GPHN: variants seen among roughly 807,000 people sequenced by gnomAD.
GPHN encodes the protein gephyrin.
A neutral mutation model predicts 95.5 loss-of-function variants in GPHN; 17 were observed. The ratio of observed to expected loss-of-function variants is 0.18; its 90% CI spans 0.12 to 0.27. GPHN has a LOEUF of 0.27. Among genes scored for constraint, GPHN ranks in the 10% least tolerant of loss-of-function variants. The probability of loss-of-function intolerance (pLI) is 1.00; values close to 1 mark genes in which losing one functional copy is unlikely to be tolerated. For missense variants in GPHN, 660 were observed against 978.1 expected, an observed-to-expected ratio of 0.67 and a Z score of 4.34; for synonymous variants, 320 against 322.5, an observed-to-expected ratio of 0.99 and a Z score of 0.08.
chr14:66,911,279 G>A (rs1382325343), intron 5 of GPHN, among the ~76,000 whole-genome samples: 3 of 151,830 alleles, frequency 2.0e-5, no homozygotes, highest in Non-Finnish European at 4.4e-5. Flanking sequence ...AGAAAATGTG[G>A]AATGACTGCT....
intron 1 of GPHN, among the ~76,000 whole-genome samples, chr14:66,669,813 C>T (rs572933466): frequency 5.9e-4 from 90 of 152,164 alleles, no homozygotes; most frequent in Non-Finnish European, 1.0e-3. Flanking sequence ...GATTCTTTTT[C>T]TTTGCTGTGA....
chr14:67,000,754 C>G (rs2072159709), intron 9 of GPHN, among the ~76,000 whole-genome samples: 1 of 151,624 alleles, frequency 6.6e-6, no homozygotes. Context: ...GTATATATCT[C>G]TCTCTCTGAC....
chr14:66,898,435 T>C (rs1241133792), intron 5 of GPHN, among the ~76,000 whole-genome samples: 2 of 133,678 alleles, frequency 1.5e-5, no homozygotes, highest in Non-Finnish European at 3.1e-5. Context: ...TTTTTGTGTA[T>C]GAACGACCAC....
the GPHN span, among the ~76,000 whole-genome samples, chr14:67,577,015 TAAGA>T: frequency 6.6e-6 from 1 of 152,090 alleles, no homozygotes; most frequent in Non-Finnish European, 1.5e-5. Context: ...CTTGACACAG[TAAGA>T]AAGAGGCCTC....
the GPHN span, among the ~76,000 whole-genome samples, chr14:67,529,602 C>T: frequency 7.0e-3 from 1,072 of 152,292 alleles, 3 homozygotes; most frequent in Non-Finnish European, 0.01. Context: ...TGGGCCATTT[C>T]CTTTCCTTCC....
At chr14:66,777,233 T>C (rs1261436490) in intron 3 of GPHN, among the ~76,000 whole-genome samples, 6 of 152,078 alleles carry the variant, frequency 3.9e-5, no homozygotes, top group African/African-American at 1.2e-4. Flanking sequence ...AAGAAATGGA[T>C]AAATTCCTCG....
chr14:67,391,168 C>A, the GPHN span, among the ~76,000 whole-genome samples: 3 of 152,118 alleles, frequency 2.0e-5, no homozygotes, highest in Non-Finnish European at 4.4e-5. Context: ...TCAGTCTACA[C>A]GTGTGCCCAC....
At chr14:67,454,871 CT>C in the GPHN span, among the ~76,000 whole-genome samples, 320 of 139,364 alleles carry the variant, frequency 2.3e-3, no homozygotes, top group East Asian at 4.6e-3. Flanking sequence ...ATTCTTTCTC[CT>C]TTTTTTTTTT....
the GPHN span, among the ~76,000 whole-genome samples, chr14:67,433,353 G>A: frequency 1.3e-5 from 2 of 152,176 alleles, no homozygotes; most frequent in Non-Finnish European, 2.9e-5. Flanking sequence ...AGAGAAAAGG[G>A]AGGGAGAAAG....
intron 1 of GPHN, among the ~76,000 whole-genome samples, chr14:66,529,599 G>GTGCT (rs2058831160): frequency 6.6e-6 from 1 of 152,134 alleles, no homozygotes; most frequent in Non-Finnish European, 1.5e-5. Flanking sequence ...TATCTTTGTG[G>GTGCT]ATTTATCTAC....
chr14:67,694,156 T>A, the GPHN span, among the ~76,000 whole-genome samples: 1 of 152,140 alleles, frequency 6.6e-6, no homozygotes, highest in African/African-American at 2.4e-5. Context: ...GTACATACTC[T>A]TAGCCATTGA....
intron 8 of GPHN, among the ~76,000 whole-genome samples, chr14:66,925,004 G>T (rs1443837240): frequency 6.6e-6 from 1 of 151,792 alleles, no homozygotes; most frequent in African/African-American, 2.4e-5. Context: ...AGAAGAAAAA[G>T]AAATAATAAA....
Position 67,127,976 on chromosome 14 carries a change from A to AT in GPHN, c.1748+5603dup, listed in dbSNP as rs537429354. On this transcript the variant is annotated intron_variant, in intron 17 of 22. Transcript: ENST00000478722. Reference sequence around the variant, plus strand: ...CAAGCTGTTAGGCCTCTTTACCACAATTTTATATTCCTGTGTAGCAACATA... The same window carrying AT: ...CAAGCTGTTAGGCCTCTTTACCACAATTTTTATATTCCTGTGTAGCAACATA... 6.2e-4 allele frequency among the ~76,000 whole-genome samples: 94 copies of AT among 152,318 alleles called. No homozygotes were observed. In the East Asian group the frequency reaches 0.015, roughly 24 times the overall value.
At chr14:67,392,875 C>T in the GPHN span, 786 of 1,580,342 alleles carry the variant, frequency 5.0e-4, 1 homozygote, top group Non-Finnish European at 5.0e-4. Context: ...ACCAGTCAGG[C>T]GATGGGTGAT....
chr14:67,160,757 T>C (rs763740550), intron 19 of GPHN, among the ~76,000 whole-genome samples: 1 of 152,136 alleles, frequency 6.6e-6, no homozygotes, highest in Non-Finnish European at 1.5e-5. Context: ...ATGGGTACCA[T>C]CAACAAATTT....
the GPHN span, among the ~76,000 whole-genome samples, chr14:67,553,166 A>T: frequency 6.6e-6 from 1 of 152,192 alleles, no homozygotes; most frequent in African/African-American, 2.4e-5. Flanking sequence ...ATCGTTTCAG[A>T]ATGTCACAAA....
chr14:67,328,219 TC>T, the GPHN span, among the ~76,000 whole-genome samples: 2 of 152,236 alleles, frequency 1.3e-5, no homozygotes, highest in Admixed American at 1.3e-4. Context: ...GATTTGCATT[TC>T]TCTGATGGCC....
intron 11 of GPHN, among the ~76,000 whole-genome samples, chr14:67,084,572 C>CTGTCTT (rs1387934386): frequency 6.6e-6 from 1 of 152,194 alleles, no homozygotes; most frequent in East Asian, 1.9e-4. Context: ...CTCTATTTCT[C>CTGTCTT]TGTCTTTCTC....
chr14:67,669,644 A>T, the GPHN span, among the ~76,000 whole-genome samples: 1 of 152,100 alleles, frequency 6.6e-6, no homozygotes, highest in Non-Finnish European at 1.5e-5. Context: ...TTCTACAGGT[A>T]CCTTTGATAT....
Sources: gnomAD v4.1 joint callset for allele counts (sites outside exome capture counted in the v4.1 genomes callset) on GRCh38, gnomAD v4.1.1 for gene constraint, MANE v1.5 for transcripts, NCBI Gene and HGNC (gene_info 2026-07-23, HGNC 2026-07-21) for gene names.